SHROOM3: variants seen among roughly 807,000 people sequenced by gnomAD.
SHROOM3 encodes the protein shroom family member 3, also known as protein Shroom3.
SHROOM3 carries 47 observed loss-of-function variants against 138.6 expected under a neutral mutation model. That is an observed-to-expected ratio of 0.34 (90% confidence interval 0.27 to 0.43). SHROOM3 has a LOEUF of 0.43. SHROOM3 is among the 20% of genes least tolerant of loss of function. The pLI, the probability that SHROOM3 is intolerant of heterozygous loss-of-function variation, is 1.00. For synonymous variants in SHROOM3, 1,062 were observed against 1,063.3 expected (o/e 1.00, Z 0.02); for missense variants, 2,491 against 2,596.5 (o/e 0.96, Z 0.88).
At chr4:76,500,449 C>T (rs568686158) in intron 1 of SHROOM3, among the ~76,000 whole-genome samples, 7 of 152,278 alleles carry the variant, frequency 4.6e-5, no homozygotes, top group South Asian at 2.1e-4. Flanking sequence ...CATGTTGGTT[C>T]CTTTAACCCT....
At chr4:76,626,179 C>G (rs1195258924) in intron 2 of SHROOM3, among the ~76,000 whole-genome samples, 1 of 152,166 alleles carries the variant, frequency 6.6e-6, no homozygotes, top group African/African-American at 2.4e-5. Context: ...AACCCTAATT[C>G]ATGTAAAATT....
intron 1 of SHROOM3, among the ~76,000 whole-genome samples, chr4:76,440,271 C>T (rs878993562): frequency 4.6e-5 from 7 of 152,190 alleles, no homozygotes; most frequent in East Asian, 1.9e-4. Flanking sequence ...ATGTGGGACA[C>T]GCACCCAGAA....
chr4:76,436,118 G>A lies in SHROOM3; in HGVS notation c.66G>A (p.Lys22=), dbSNP rs1210366708. ...CATTAAACTCTAACACGGCCACCAA[G>A]GGAAGGTACATTTATCTGGAGGCAT... ...SATLNSNTAT[K]GRYIYLEAFL... Residue 22 remains lysine (K), a synonymous_variant, in exon 1 of 11, where the codon AAG becomes AAA. Coordinates refer to ENST00000296043, the MANE Select transcript of SHROOM3 (RefSeq NM_020859.4). 6.2e-7 allele frequency: 1 copy of A among 1,614,054 alleles called. No homozygotes were observed. Among genetic ancestry groups the A allele is most frequent in the Admixed American group, 1.7e-5 (1 of 60,026 alleles).
chr4:76,759,513 T>C, intron 8 of SHROOM3, 32 bp from the exon 9 acceptor site: 2 of 1,613,612 alleles, frequency 1.2e-6, no homozygotes, highest in Non-Finnish European at 1.7e-6. Flanking sequence ...GCGTGATCTG[T>C]GTGGCTATAC....
At chr4:76,561,086 T>C (rs1733587099) in intron 2 of SHROOM3, among the ~76,000 whole-genome samples, 1 of 152,204 alleles carries the variant, frequency 6.6e-6, no homozygotes, top group African/African-American at 2.4e-5. Context: ...GGAAATTATC[T>C]TTCTGGGCAT....
intron 2 of SHROOM3, among the ~76,000 whole-genome samples, chr4:76,605,522 C>T (rs1325222595): frequency 6.6e-6 from 1 of 151,966 alleles, no homozygotes; most frequent in Non-Finnish European, 1.5e-5. Flanking sequence ...ATTCCTCTAA[C>T]TTGGGTAAGC....
At chr4:76,756,966 A>G in intron 8 of SHROOM3, 29 bp downstream of exon 8, 1 of 1,613,326 alleles carries the variant, frequency 6.2e-7, no homozygotes, top group Non-Finnish European at 8.5e-7. Flanking sequence ...CCTCAGAGAG[A>G]CTTACAATCA....
chr4:76,464,332 T>C (rs1205846091), intron 1 of SHROOM3, among the ~76,000 whole-genome samples: 1 of 152,228 alleles, frequency 6.6e-6, no homozygotes, highest in African/African-American at 2.4e-5. Flanking sequence ...CTTCTTTGTT[T>C]TGGCCAATTT....
chr4:76,448,899 T>C (rs1440311178), intron 1 of SHROOM3, among the ~76,000 whole-genome samples: 4 of 152,232 alleles, frequency 2.6e-5, no homozygotes, highest in Non-Finnish European at 5.9e-5. Context: ...AGGAATCCCA[T>C]AGAATCTTAC....
intron 2 of SHROOM3, among the ~76,000 whole-genome samples, chr4:76,567,717 G>A (rs987977561): frequency 6.6e-6 from 1 of 152,126 alleles, no homozygotes; most frequent in Admixed American, 6.6e-5. Flanking sequence ...TTAGGGATGA[G>A]CCACTATTAT....
intron 1 of SHROOM3, among the ~76,000 whole-genome samples, chr4:76,482,482 A>G (rs1490489545): frequency 6.6e-6 from 1 of 152,188 alleles, no homozygotes; most frequent in Non-Finnish European, 1.5e-5. Flanking sequence ...AGAACTACAA[A>G]CCACTGCTCA....
intron 2 of SHROOM3, among the ~76,000 whole-genome samples, chr4:76,658,972 G>A (rs1441939771): frequency 6.7e-6 from 1 of 150,296 alleles, no homozygotes; most frequent in African/African-American, 2.5e-5. Flanking sequence ...TGGACTTAGC[G>A]AAACCCACCA....
At chr4:76,589,823 G>A (rs1211351529) in intron 2 of SHROOM3, among the ~76,000 whole-genome samples, 1 of 152,148 alleles carries the variant, frequency 6.6e-6, no homozygotes, top group African/African-American at 2.4e-5. Context: ...TGATACTTAT[G>A]CATTTATTTC....
intron 4 of SHROOM3, among the ~76,000 whole-genome samples, chr4:76,737,116 C>A (rs1380183031): frequency 6.6e-6 from 1 of 152,180 alleles, no homozygotes; most frequent in Non-Finnish European, 1.5e-5. Flanking sequence ...AACCACTGAT[C>A]TTTTTATTGT....
intron 2 of SHROOM3, among the ~76,000 whole-genome samples, chr4:76,624,972 T>C (rs535332463): frequency 1.6e-3 from 244 of 152,348 alleles, no homozygotes; most frequent in Non-Finnish European, 2.8e-3. Context: ...AATGATATTA[T>C]ATTATTATTG....
At chr4:76,541,408 G>T (rs1733094063) in intron 1 of SHROOM3, among the ~76,000 whole-genome samples, 1 of 152,162 alleles carries the variant, frequency 6.6e-6, no homozygotes, top group African/African-American at 2.4e-5. Flanking sequence ...CTCAGTCTTT[G>T]ATCTGAATGC....
chr4:76,532,737 C>G (rs922054790), intron 1 of SHROOM3, among the ~76,000 whole-genome samples: 1 of 152,144 alleles, frequency 6.6e-6, no homozygotes, highest in African/African-American at 2.4e-5. Flanking sequence ...ATTTTAGCAA[C>G]CTCAGCGTAC....
intron 2 of SHROOM3, among the ~76,000 whole-genome samples, chr4:76,691,110 T>G (rs1719522585): frequency 6.6e-6 from 1 of 152,212 alleles, no homozygotes; most frequent in South Asian, 2.1e-4. Flanking sequence ...CACATACCCC[T>G]TTCCAGTGCT....
intron 1 of SHROOM3, among the ~76,000 whole-genome samples, chr4:76,551,760 C>A (rs958663018): frequency 6.6e-6 from 1 of 152,120 alleles, no homozygotes; most frequent in Middle Eastern, 3.4e-3. Flanking sequence ...ACCACAGCAG[C>A]AAGTTCAAGC....
Sources: allele counts gnomAD v4.1 joint callset (sites outside exome capture counted in the v4.1 genomes callset), GRCh38; gene constraint gnomAD v4.1.1; transcripts MANE v1.5; gene names NCBI Gene and HGNC (gene_info 2026-07-23, HGNC 2026-07-21).